MXD1: variants seen among roughly 807,000 people sequenced by gnomAD.
MXD1 encodes the protein MAX-binding protein.
A neutral mutation model predicts 25.7 loss-of-function variants in MXD1; 9 were observed. The observed-to-expected ratio is 0.35, with a 90% CI of 0.21 to 0.61. The LOEUF (loss-of-function observed/expected upper bound fraction) is 0.61, where lower values mean the gene tolerates loss of function less well. MXD1 is among the 20% of genes least tolerant of loss of function. The pLI, the probability that MXD1 is intolerant of heterozygous loss-of-function variation, is 0.75. For synonymous variants in MXD1, 99 were observed against 113.9 expected (o/e 0.87, Z 0.83); for missense variants, 227 against 292.4 (o/e 0.78, Z 1.63).
At chr2:69,930,474 C>G (rs1677258104) in intron 3 of MXD1, among the ~76,000 whole-genome samples, 1 of 152,160 alleles carries the variant, frequency 6.6e-6, no homozygotes, top group African/African-American at 2.4e-5. Flanking sequence ...ATGATGTGAA[C>G]AGGAAATAAA....
intron 2 of MXD1, among the ~76,000 whole-genome samples, chr2:69,919,316 C>G (rs192456242): frequency 5.2e-4 from 79 of 152,282 alleles, no homozygotes; most frequent in Admixed American, 3.5e-3. Context: ...TCTCAACCAA[C>G]TGTTGGCATA....
chr2:69,923,766 G>T (rs1677117890), intron 3 of MXD1, among the ~76,000 whole-genome samples: 1 of 152,136 alleles, frequency 6.6e-6, no homozygotes, highest in Non-Finnish European at 1.5e-5. Context: ...CTTCTTAAAG[G>T]GGAAAGGTAG....
rs180964080 is a variant in MXD1 at position 69,923,280 on chromosome 2, C to T, written c.203+1515C>T. Among the ~76,000 whole-genome samples the T allele has an allele frequency of 1.5e-3, 230 of 152,220 alleles. 2 individuals carry two copies. The highest frequency in any genetic ancestry group is 6.8e-3 in the Middle Eastern group (2 of 294). On this transcript the variant is annotated intron_variant, in intron 3 of 5. Coordinates refer to ENST00000264444, the MANE Select transcript of MXD1 (RefSeq NM_002357.4). ...AGGTGATTCTCATGTGCAGCCATGGCGGAGAACCATTGAACTAGCCTCATT... is the reference window on the plus strand; with the variant it reads ...AGGTGATTCTCATGTGCAGCCATGGTGGAGAACCATTGAACTAGCCTCATT...
At chr2:69,936,902 T>C (rs3771531) in intron 4 of MXD1, 231,452 of 480,604 alleles carry the variant, frequency 0.48, 59,444 homozygotes, top group African/African-American at 0.79. Context: ...TTCAGGGGAT[T>C]GCTGCAAACA....
intron 3 of MXD1, among the ~76,000 whole-genome samples, chr2:69,926,572 T>C (rs1045129317): frequency 6.6e-6 from 1 of 152,232 alleles, no homozygotes; most frequent in Non-Finnish European, 1.5e-5. Flanking sequence ...AAGCAAAGTT[T>C]TGTAGCAAAG....
At chr2:69,933,580 C>T (rs1295722409) in intron 3 of MXD1, among the ~76,000 whole-genome samples, 1 of 152,180 alleles carries the variant, frequency 6.6e-6, no homozygotes, top group African/African-American at 2.4e-5. Context: ...CTTGCCAAGC[C>T]TTAGAGCACC....
Position 69,915,256 on chromosome 2 carries a change from CCACAGCGGTCCGGCGGCGGCAGCGA to C in MXD1, c.-74_-50del. On this transcript the variant is annotated 5_prime_UTR_variant, in exon 1 of 6. Coordinates refer to ENST00000264444, the MANE Select transcript of MXD1 (RefSeq NM_002357.4). This position sits in a 1 kb window ranked among gnomAD's most constrained non-coding sequence, Gnocchi z 5.8. ...TCCACAGCGGGCTCCATAGCGGGCT[CCACAGCGGTCCGGCGGCGGCAGCGA>C]GCCCGTGGGCAGTGGGGGTTGGTCC... 3 of 1,255,746 alleles carry C rather than the reference CCACAGCGGTCCGGCGGCGGCAGCGA, an allele frequency of 2.4e-6. No individual in the cohort carries two copies. Among genetic ancestry groups the C allele is most frequent in the Admixed American group, 4.1e-5 (1 of 24,176 alleles). The allele number at this position is 1,255,746 out of a possible 1,614,324, so 77.8% of individuals were successfully genotyped here. A position where few individuals can be genotyped will look rare whatever the true frequency, so the allele number is the denominator to read the frequency against.
intron 2 of MXD1, 64 bp downstream of exon 2, chr2:69,916,284 T>A: frequency 1.0e-6 from 1 of 983,504 alleles, no homozygotes; most frequent in Middle Eastern, 2.1e-4. Flanking sequence ...AACTGCTGAA[T>A]GTAAGTTTTC....
At chr2:69,925,728 A>G (rs909650827) in intron 3 of MXD1, among the ~76,000 whole-genome samples, 2 of 152,194 alleles carry the variant, frequency 1.3e-5, no homozygotes, top group Non-Finnish European at 2.9e-5. Context: ...TTCTTCCCAG[A>G]ACCTAAACAA....
At chr2:69,922,345 GC>G (rs1423503024) in intron 3 of MXD1, among the ~76,000 whole-genome samples, 5 of 152,172 alleles carry the variant, frequency 3.3e-5, no homozygotes, top group African/African-American at 1.2e-4. Context: ...CACCTGGATT[GC>G]CTCTTGCTGC....
intron 3 of MXD1, among the ~76,000 whole-genome samples, chr2:69,922,156 A>T (rs1573401418): frequency 6.6e-6 from 1 of 152,262 alleles, no homozygotes; most frequent in East Asian, 1.9e-4. Flanking sequence ...ACATGTAAGT[A>T]TATATTAACA....
At chr2:69,925,215 TCTC>T (rs1366510256) in intron 3 of MXD1, among the ~76,000 whole-genome samples, 1 of 151,884 alleles carries the variant, frequency 6.6e-6, no homozygotes, top group Non-Finnish European at 1.5e-5. Context: ...CTGGGTCTGA[TCTC>T]CTAAGAAAAC....
At position 69,915,728 on chromosome 2, in the gene MXD1, T is replaced by TGGGCCCGGCGCCCCAGTC. The variant is rs1352180054; in HGVS notation, c.73+326_73+343dup. 6.6e-6 allele frequency among the ~76,000 whole-genome samples: 1 copy of TGGGCCCGGCGCCCCAGTC among 152,016 alleles called. No homozygotes were observed. The highest frequency in any genetic ancestry group is 1.5e-5 in the Non-Finnish European group (1 of 68,020). Reference sequence around the variant, plus strand: ...GGGCTGGTCCCGGCCGGCCCCCAGGTGGGCCCGGCGCCCCAGTCTCCTGGG... The same window carrying TGGGCCCGGCGCCCCAGTC: ...GGGCTGGTCCCGGCCGGCCCCCAGGTGGGCCCGGCGCCCCAGTCGGGCCCGGCGCCCCAGTCTCCTGGG... On this transcript the variant is annotated intron_variant, in intron 1 of 5. Coordinates refer to ENST00000264444, the MANE Select transcript of MXD1 (RefSeq NM_002357.4). The surrounding 1 kb of genome is among the most constrained non-coding windows in gnomAD (Gnocchi z 5.8).
chr2:69,923,996 C>A (rs920253411), intron 3 of MXD1, among the ~76,000 whole-genome samples: 2 of 152,218 alleles, frequency 1.3e-5, no homozygotes, highest in African/African-American at 4.8e-5. Flanking sequence ...TTTGCCTCTG[C>A]AGGAATGCCA....
intron 3 of MXD1, among the ~76,000 whole-genome samples, chr2:69,928,918 G>C (rs540526294): frequency 1.5e-3 from 223 of 152,062 alleles, no homozygotes; most frequent in African/African-American, 5.2e-3. Context: ...TTTTGAGATG[G>C]AGTCTTGCTC....
rs2228183 is a variant in MXD1, at chr2:69,935,402, T to G, written c.255T>G (p.Leu85=). ...CLEKLKGLVP[L]GPESSRHTTL... ...AGAAGTTGAAGGGGCTGGTGCCACT[T>G]GGACCCGAATCAAGTCGACACACTA... Residue 85 remains leucine (L), a synonymous_variant, in exon 4 of 6, where the codon CTT becomes CTG. Transcript: ENST00000264444. The G allele has an allele frequency of 0.46, 740,204 of 1,613,146 alleles. 176,174 individuals carry two copies. The highest frequency in any genetic ancestry group is 0.8 in the African/African-American group (59,849 of 74,918).
chr2:69,921,693 A>G (rs771494173), intron 2 of MXD1, 43 bp from the exon 3 acceptor site: 1 of 1,578,474 alleles, frequency 6.3e-7, no homozygotes, highest in Non-Finnish European at 8.6e-7. Flanking sequence ...TAGTTCTTTA[A>G]GACAAAAATA....
chr2:69,931,357 C>T (rs991689203), intron 3 of MXD1, among the ~76,000 whole-genome samples: 3 of 152,090 alleles, frequency 2.0e-5, no homozygotes, highest in African/African-American at 7.2e-5. Context: ...TCTGGTAACC[C>T]TCCTACTCTC....
rs962535540 is a variant in MXD1, at chr2:69,942,861, A to G, written c.*4577A>G. 1 of 152,122 alleles carries G rather than the reference A, an allele frequency of 6.6e-6. No individual in the cohort carries two copies. The highest frequency in any genetic ancestry group is 1.5e-5 in the Non-Finnish European group (1 of 68,032). The allele number at this position is 152,122 out of a possible 1,614,324, so 9.4% of individuals were successfully genotyped here. On this transcript the variant is annotated 3_prime_UTR_variant, in exon 6 of 6. Transcript: ENST00000264444. ...CACATGCATTTTTAGAAACTACTAC[A>G]TGTTTTAGAGAATCTTTGCTGTGTA...
Sources: gnomAD v4.1 joint callset for allele counts (sites outside exome capture counted in the v4.1 genomes callset) on GRCh38, gnomAD v4.1.1 for gene constraint, Gnocchi (gnomAD v3.1) non-coding constraint, MANE v1.5 for transcripts, NCBI Gene and HGNC (gene_info 2026-07-23, HGNC 2026-07-21) for gene names.